DENND5A: variants seen among roughly 807,000 people sequenced by gnomAD.
DENND5A encodes DENN domain containing 5A, also known as DENN domain-containing protein 5A.
DENND5A carries 64 observed loss-of-function variants against 140.3 expected under a neutral mutation model. The ratio of observed to expected loss-of-function variants is 0.46; its 90% confidence interval spans 0.37 to 0.56. The LOEUF (loss-of-function observed/expected upper bound fraction) is 0.56. DENND5A is among the 20% of genes least tolerant of loss of function. The pLI is 0.00. For missense variants in DENND5A, 1,292 were observed against 1,593.8 expected, an observed-to-expected ratio of 0.81 and a Z score of 3.22; for synonymous variants, 605 against 607.7, an observed-to-expected ratio of 1.00 and a Z score of 0.07.
intron 15 of DENND5A, among the ~76,000 whole-genome samples, chr11:9,148,723 T>C (rs1353963806): frequency 6.6e-6 from 1 of 152,190 alleles, no homozygotes; most frequent in Non-Finnish European, 1.5e-5. Context: ...AAAGTAGTTA[T>C]GGTGAAGACT....
rs138362952 is a variant in DENND5A, at chr11:9,180,285, C to T, written c.1455+482G>A. ...TGAGCAACATAGTGAGACCCTGCCTCTACAAAAAAAAAATAATAATAATTG... is the reference window on the plus strand; with the variant it reads ...TGAGCAACATAGTGAGACCCTGCCTTTACAAAAAAAAAATAATAATAATTG... On this transcript the variant is annotated intron_variant, in intron 6 of 22. Coordinates refer to ENST00000328194, the MANE Select transcript of DENND5A (RefSeq NM_015213.4). Among the ~76,000 whole-genome samples, 201 of 149,792 alleles carry T rather than the reference C, an allele frequency of 1.3e-3. 1 individual carries two copies. The highest frequency in any genetic ancestry group is 2.1e-3 in the Non-Finnish European group (140 of 67,082).
chr11:9,160,603 T>G (rs1322043818), intron 12 of DENND5A, 110 bp downstream of exon 12: 28 of 892,030 alleles, frequency 3.1e-5, no homozygotes, highest in Non-Finnish European at 4.4e-5. Context: ...TCCAGGGCAC[T>G]GTGCACCATT....
chr11:9,170,684 G>A lies in DENND5A; in HGVS notation c.2000C>T (p.Pro667Leu), dbSNP rs1426670827. The A allele has an allele frequency of 5.0e-6, 8 of 1,613,758 alleles. No individual in the cohort carries two copies. In the East Asian group the frequency reaches 1.1e-4, roughly 22 times the overall value. The part of the protein sequence containing the change: ...DMKIGQGKYE[P>L]GFFPKLQSDV... ...AGACTGCAGCTTAGGGAAGAAGCCCGGCTCATATTTCCCTTGTCCAATCTT... is the reference window on the plus strand; with the variant it reads ...AGACTGCAGCTTAGGGAAGAAGCCCAGCTCATATTTCCCTTGTCCAATCTT... Residue 667 changes from proline (P) to leucine (L), a missense_variant, in exon 9 of 23, where the codon CCG becomes CTG. By Grantham distance (98) the Pro-to-Leu change is moderately conservative (BLOSUM62 -3). This residue lies in a region of DENND5A where 199 missense variants were observed against 189.1 expected (regional missense o/e 1.05). Coordinates refer to ENST00000328194, the MANE Select transcript of DENND5A (RefSeq NM_015213.4).
At chr11:9,181,136 A>C (rs1424269941) in intron 5 of DENND5A, 52 bp from the exon 6 acceptor site, 2 of 1,530,434 alleles carry the variant, frequency 1.3e-6, no homozygotes, top group African/African-American at 2.8e-5. Flanking sequence ...GCATTACAGG[A>C]AGAAGTTTTA....
chr11:9,194,386 T>G (rs546041180), intron 4 of DENND5A, among the ~76,000 whole-genome samples: 2 of 152,042 alleles, frequency 1.3e-5, no homozygotes, highest in Admixed American at 1.3e-4. Context: ...CCAACCAACA[T>G]GGTGAAACCC....
rs1007053931 is a variant in DENND5A, at chr11:9,189,618, G to T, written c.1137+3876C>A. On this transcript the variant is annotated intron_variant, in intron 5 of 22. Transcript: ENST00000328194. ...CCTCTTTTTTTGTTGCTGTTGTTTG[G>T]TTTTTTTTTTTTGGTTTTTTTGTTT... Among the ~76,000 whole-genome samples the T allele has an allele frequency of 1.2e-3, 169 of 145,124 alleles. 2 individuals carry two copies. Among genetic ancestry groups the T allele is most frequent in the Non-Finnish European group, 1.4e-3 (90 of 66,004 alleles).
chr11:9,215,792 C>T (rs938208542), intron 1 of DENND5A, among the ~76,000 whole-genome samples: 9 of 152,004 alleles, frequency 5.9e-5, no homozygotes, highest in Non-Finnish European at 7.4e-5. Flanking sequence ...TCAGAAGATC[C>T]GCCCGCCTCA....
At position 9,181,010 on chromosome 11, in the gene DENND5A, T is replaced by C. The variant is rs1848712190; in HGVS notation, c.1212A>G (p.Lys404=). The change falls in exon 6 of 23, where the codon AAA becomes AAG. Residue 404 remains lysine, a synonymous_variant. Transcript: ENST00000328194. ...CAGAGACTTCCTGGACAAACTCCAATTTGTTGGGGAACTGTGGCAAGTCCT... is the reference window on the plus strand; with the variant it reads ...CAGAGACTTCCTGGACAAACTCCAACTTGTTGGGGAACTGTGGCAAGTCCT... ...LPEDLPQFPN[K]LEFVQEVSEI... The C allele has an allele frequency of 6.2e-7, 1 of 1,614,152 alleles. No individual in the cohort carries two copies. Among genetic ancestry groups the C allele is most frequent in the Admixed American group, 1.7e-5 (1 of 60,020 alleles).
Position 9,170,629 on chromosome 11 carries a change from G to C in DENND5A, c.2055C>G (p.Asn685Lys), listed in dbSNP as rs769825545. ...SDVLSTGPAS[N>K]KWTKRNAPAQ... Reference sequence around the variant, plus strand: ...GTGAATCCCTGGGGTTGACTCACTTGTTGCTGGCTGGCCCAGTGGAAAGTA... The same window carrying C: ...GTGAATCCCTGGGGTTGACTCACTTCTTGCTGGCTGGCCCAGTGGAAAGTA... Residue 685 changes from asparagine (N) to lysine (K), a missense_variant and splice_region_variant, in exon 9 of 23, where the codon AAC (asparagine) becomes AAG (lysine). This residue lies in a region of DENND5A where 199 missense variants were observed against 189.1 expected (regional missense o/e 1.05). Transcript: ENST00000328194. The C allele has an allele frequency of 1.9e-6, 3 of 1,613,852 alleles. No homozygotes were observed. Among genetic ancestry groups the C allele is most frequent in the South Asian group, 1.1e-5 (1 of 91,064 alleles).
intron 22 of DENND5A, chr11:9,140,277 TC>T (rs1847194041): frequency 3.4e-6 from 4 of 1,189,268 alleles, no homozygotes; most frequent in Non-Finnish European, 4.5e-6. Flanking sequence ...ACTATTATTA[TC>T]CCCACTTTAT....
chr11:9,149,823 C>T (rs1847552801), intron 15 of DENND5A, among the ~76,000 whole-genome samples: 1 of 152,188 alleles, frequency 6.6e-6, no homozygotes, highest in African/African-American at 2.4e-5. Flanking sequence ...AGAGGAAGAC[C>T]TCATCCTTCC....
intron 4 of DENND5A, among the ~76,000 whole-genome samples, chr11:9,201,653 G>A (rs1032564968): frequency 3.3e-5 from 5 of 152,172 alleles, no homozygotes; most frequent in Non-Finnish European, 7.3e-5. Flanking sequence ...CTGGGCAGCA[G>A]AGTGAGACCC....
At position 9,178,140 on chromosome 11, in the gene DENND5A, T is replaced by C. The variant is rs766920445; in HGVS notation, c.1898A>G (p.Asp633Gly). The change falls in exon 8 of 23, where the codon GAT becomes GGT. Residue 633 changes from aspartate (D) to glycine (G), a missense_variant. Transcript: ENST00000328194. The part of the protein sequence containing the change: ...TSMYQKCTTV[D>G]EAEKAIELRL... ...TTCCAAGGAGGCCTTACCTGCTTCA[T>C]CCACAGTGGTACACTTCTGGTACAT... is the stretch of plus-strand genomic sequence containing the variant. 4.3e-6 allele frequency: 7 copies of C among 1,612,388 alleles called. No individual in the cohort carries two copies. The highest frequency in any genetic ancestry group is 5.9e-6 in the Non-Finnish European group (7 of 1,178,464).
At chr11:9,198,043 C>T (rs949176374) in intron 4 of DENND5A, among the ~76,000 whole-genome samples, 2 of 152,164 alleles carry the variant, frequency 1.3e-5, no homozygotes, top group Admixed American at 1.3e-4. Context: ...CCTGTGCTAG[C>T]TGAACTTACT....
chr11:9,261,051 G>A (rs778509655), intron 1 of DENND5A, among the ~76,000 whole-genome samples: 2 of 151,958 alleles, frequency 1.3e-5, no homozygotes, highest in South Asian at 2.1e-4. Flanking sequence ...GAGTCTTGCC[G>A]TGCTGCCCAG....
chr11:9,152,009 A>G (rs1045131466), intron 13 of DENND5A, among the ~76,000 whole-genome samples: 2 of 152,214 alleles, frequency 1.3e-5, no homozygotes, highest in East Asian at 1.9e-4. Flanking sequence ...ATAGATAATC[A>G]TAATGCCCAT....
At chr11:9,170,956 T>C in intron 8 of DENND5A, 179 bp from the exon 9 acceptor site, 1 of 1,104,054 alleles carries the variant, frequency 9.1e-7, no homozygotes, top group East Asian at 2.7e-5. Flanking sequence ...TATAAAATGA[T>C]AAACTTCAGA....
Position 9,193,035 on chromosome 11 carries a change from G to C in DENND5A, c.1137+459C>G, listed in dbSNP as rs181334572. On this transcript the variant is annotated intron_variant, in intron 5 of 22. Transcript: ENST00000328194. Reference sequence around the variant, plus strand: ...AGCCCAGGAGTTCGAGACCAGCCTGGGCAACATGGTGAGACCCTGCATCTA... The same window carrying C: ...AGCCCAGGAGTTCGAGACCAGCCTGCGCAACATGGTGAGACCCTGCATCTA... Among the ~76,000 whole-genome samples the C allele has an allele frequency of 4.9e-4, 74 of 152,066 alleles. 1 individual carries two copies. Among genetic ancestry groups the C allele is most frequent in the East Asian group, 3.1e-3 (16 of 5,172 alleles).
chr11:9,255,128 G>C (rs1261414537), intron 1 of DENND5A, among the ~76,000 whole-genome samples: 7 of 152,044 alleles, frequency 4.6e-5, no homozygotes, highest in Admixed American at 4.6e-4. Flanking sequence ...TGTCTTCTAG[G>C]ATATGCAAAT....
Sources: allele counts gnomAD v4.1 joint callset (sites outside exome capture counted in the v4.1 genomes callset), GRCh38; gene constraint gnomAD v4.1.1; regional missense constraint gnomAD v4.1.1; transcripts MANE v1.5; gene names NCBI Gene and HGNC (gene_info 2026-07-23, HGNC 2026-07-21).